GLB1L: variants seen among roughly 807,000 people sequenced by gnomAD.
GLB1L encodes the protein beta-galactosidase-1-like protein.
Under a neutral mutation model 75.7 loss-of-function variants are expected in GLB1L, and 58 were observed. The observed-to-expected ratio is 0.77, with a 90% CI of 0.62 to 0.95. The LOEUF (loss-of-function observed/expected upper bound fraction) is 0.95, where lower values mean the gene tolerates loss of function less well. Ranked by LOEUF, GLB1L falls within the 40% of genes least tolerant of loss-of-function variation. GLB1L has a pLI of 0.00. For missense variants in GLB1L, 797 were observed against 805.5 expected, an observed-to-expected ratio of 0.99 and a Z score of 0.13; for synonymous variants, 296 against 303.0, an observed-to-expected ratio of 0.98 and a Z score of 0.24.
chr2:219,241,723 A>C (rs1321435640), intron 5 of GLB1L, among the ~76,000 whole-genome samples: 2 of 151,920 alleles, frequency 1.3e-5, no homozygotes, highest in Non-Finnish European at 2.9e-5. Flanking sequence ...TTTATGGTTC[A>C]TATTCTGAAT....
rs138087946 is a variant in GLB1L, at chr2:219,242,724, C to T, written c.390+44G>A. Reference sequence around the variant, plus strand: ...TGGGCAGATGGGAGTAGTCTAGGAACTGCACAAGGATAACTGGTTCTATCC... The same window carrying T: ...TGGGCAGATGGGAGTAGTCTAGGAATTGCACAAGGATAACTGGTTCTATCC... On this transcript the variant is annotated intron_variant, in intron 4 of 16. Coordinates refer to ENST00000295759, the MANE Select transcript of GLB1L (RefSeq NM_001286423.2). 3,977 of 1,610,070 alleles carry T rather than the reference C, an allele frequency of 2.5e-3. 7 individuals are homozygous for T. The highest frequency in any genetic ancestry group is 4.3e-3 in the Middle Eastern group (26 of 6,052).
chr2:219,242,641 G>A (rs1450569236), intron 4 of GLB1L, 67 bp from the exon 5 acceptor site: 4 of 1,532,710 alleles, frequency 2.6e-6, no homozygotes, highest in Non-Finnish European at 2.7e-6. Flanking sequence ...GGGGAAGCTA[G>A]GAAGGGAAGG....
chr2:219,236,728 C>T lies in GLB1L; in HGVS notation c.*344G>A. On this transcript the variant is annotated 3_prime_UTR_variant, in exon 17 of 17. Transcript: ENST00000295759. ...TCACCGTGGCCAGCACCAAGGGATC[C>T]TGCCCACTCCATGTCCCAGGTCCAA... is the stretch of plus-strand genomic sequence containing the variant. 1 of 436,706 alleles carries T rather than the reference C, an allele frequency of 2.3e-6. No homozygotes were observed. 27.1% of individuals were successfully genotyped at this position (436,706 alleles called of 1,614,324 possible).
intron 3 of GLB1L, 100 bp downstream of exon 3, chr2:219,243,048 C>T: frequency 6.5e-7 from 1 of 1,542,242 alleles, no homozygotes; most frequent in South Asian, 1.2e-5. Flanking sequence ...CCACCCTTGG[C>T]CTAGGAGTCC....
chr2:219,237,445 G>A (rs746559824), intron 16 of GLB1L, 67 bp downstream of exon 16: 5 of 1,601,220 alleles, frequency 3.1e-6, no homozygotes, highest in Non-Finnish European at 4.3e-6. Context: ...GATACTTTCT[G>A]CTCCCCTCCT....
At chr2:219,243,706 C>T (rs1366037697) in intron 1 of GLB1L, 63 bp from the exon 2 acceptor site, 6 of 791,718 alleles carry the variant, frequency 7.6e-6, no homozygotes, top group Non-Finnish European at 1.1e-5. Flanking sequence ...GACTTCCTCT[C>T]CAGCCTGCAG....
chr2:219,239,557 T>C lies in GLB1L; in HGVS notation c.902+4A>G. 6.2e-7 allele frequency: 1 copy of C among 1,614,206 alleles called. No homozygotes were observed. The highest frequency in any genetic ancestry group is 1.1e-5 in the South Asian group (1 of 91,086). On this transcript the variant is annotated splice_donor_region_variant and intron_variant, in intron 9 of 16. Coordinates refer to ENST00000295759, the MANE Select transcript of GLB1L (RefSeq NM_001286423.2). Reference sequence around the variant, plus strand: ...TTCATATTGCCCCCAGTGTCTTTACTTACATGTTCACACTGGCTCCCAACT... The same window carrying C: ...TTCATATTGCCCCCAGTGTCTTTACCTACATGTTCACACTGGCTCCCAACT...
At chr2:219,238,807 A>G (rs1301879422) in intron 11 of GLB1L, 28 bp from the exon 12 acceptor site, 3 of 1,588,952 alleles carry the variant, frequency 1.9e-6, no homozygotes, top group East Asian at 2.2e-5. Context: ...CAGGATCCAT[A>G]GGAAAACCAC....
rs749059558 is a variant in GLB1L, at chr2:219,239,811, A to G, written c.744T>C (p.Phe248=). 9 of 1,614,212 alleles carry G rather than the reference A, an allele frequency of 5.6e-6. No individual in the cohort carries two copies. The East Asian group carries it at 6.7e-5, about 12-fold the overall frequency. The change falls in exon 8 of 17, where the codon TTT becomes TTC. Residue 248 remains phenylalanine, a synonymous_variant. Coordinates refer to ENST00000295759, the MANE Select transcript of GLB1L (RefSeq NM_001286423.2). ...GGGGTTCATACTTCCGAAGCAGGGT[A>G]AAGATTTTGGTCATGTTGTCAGCTG... ...FGPADNMTKI[F]TLLRKYEPHG...
Position 219,240,232 on chromosome 2 carries a change from G to GAT in GLB1L, c.503_504dup (p.Pro169IlefsTer31). On this transcript the variant is annotated frameshift_variant, in exon 6 of 17. Transcript: ENST00000295759. LOFTEE classifies it high-confidence loss of function. ...TTGCCCCCATTGTGATAAAGCCATG[G>GAT]ATATATCTTGGGCAGCAAGACCTTG... 6.2e-7 allele frequency: 1 copy of GAT among 1,614,186 alleles called. No individual in the cohort carries two copies. Among genetic ancestry groups the GAT allele is most frequent in the Non-Finnish European group, 8.5e-7 (1 of 1,180,028 alleles).
At chr2:219,238,619 G>C in intron 12 of GLB1L, 35 bp from the exon 13 acceptor site, 2 of 1,601,136 alleles carry the variant, frequency 1.2e-6, no homozygotes, top group Non-Finnish European at 1.7e-6. Flanking sequence ...AGAATATCAG[G>C]GAAGTTTCTG....
At chr2:219,243,734 T>C (rs1005329205) in intron 1 of GLB1L, 91 bp from the exon 2 acceptor site, 2 of 641,686 alleles carry the variant, frequency 3.1e-6, no homozygotes, top group Non-Finnish European at 5.6e-6. Context: ...CTTACTCTAC[T>C]AGTTTGTAAA....
At position 219,239,223 on chromosome 2, in the gene GLB1L, CA is replaced by C; in HGVS notation, c.944-14del. On this transcript the variant is annotated splice_polypyrimidine_tract_variant and intron_variant, in intron 10 of 16. Transcript: ENST00000295759. ...TTCTTATCGGCACCTGAAGTTGAGC[CA>C]ATTTAATTAATTCAACATGTATTTC... is the stretch of plus-strand genomic sequence containing the variant. 1 of 1,580,956 alleles carries C rather than the reference CA, an allele frequency of 6.3e-7. No individual in the cohort carries two copies. The highest frequency in any genetic ancestry group is 1.1e-5 in the South Asian group (1 of 89,864).
At position 219,240,286 on chromosome 2, in the gene GLB1L, C is replaced by CTA. The variant is rs1267631057; in HGVS notation, c.452-3_452-2dup. On this transcript the variant is annotated splice_acceptor_variant, in intron 5 of 16. Transcript: ENST00000295759. LOFTEE classifies it high-confidence loss of function. ...CAGGAGTCCACTGCGGCAAGGAAGT[C>CTA]TAAAGGAAGGAGCAGAGCTTCTGTG... The CTA allele has an allele frequency of 1.2e-6, 2 of 1,613,066 alleles. No individual in the cohort carries two copies. The highest frequency in any genetic ancestry group is 2.2e-5 in the South Asian group (2 of 91,068).
At chr2:219,238,164 G>A (rs909706921) in intron 14 of GLB1L, 86 bp downstream of exon 14, 1 of 1,109,498 alleles carries the variant, frequency 9.0e-7, no homozygotes. Flanking sequence ...AGGCAGGTGG[G>A]AAAGTGTAAA....
At position 219,239,758 on chromosome 2, in the gene GLB1L, C is replaced by A. The variant is rs1443958464; in HGVS notation, c.780+17G>T. On this transcript the variant is annotated intron_variant, in intron 8 of 16. Coordinates refer to ENST00000295759, the MANE Select transcript of GLB1L (RefSeq NM_001286423.2). Reference sequence around the variant, plus strand: ...CATTCCTATCCCTGATTCCCTGACTCCTCTCTGGCCCCTCACCAATGGCCC... The same window carrying A: ...CATTCCTATCCCTGATTCCCTGACTACTCTCTGGCCCCTCACCAATGGCCC... 2 of 1,614,210 alleles carry A rather than the reference C, an allele frequency of 1.2e-6. No individual in the cohort carries two copies. Among genetic ancestry groups the A allele is most frequent in the South Asian group, 2.2e-5 (2 of 91,084 alleles).
chr2:219,240,604 C>G (rs1215801895), intron 5 of GLB1L, among the ~76,000 whole-genome samples: 2 of 152,006 alleles, frequency 1.3e-5, no homozygotes, highest in Non-Finnish European at 2.9e-5. Flanking sequence ...ATTAGCTGGG[C>G]ATGGTGGCGG....
chr2:219,238,000 C>T (rs1366626901), intron 14 of GLB1L, 43 bp from the exon 15 acceptor site: 4 of 1,603,046 alleles, frequency 2.5e-6, no homozygotes, highest in Non-Finnish European at 3.4e-6. Context: ...CAGCATCTAG[C>T]TCTTAGCCAC....
intron 9 of GLB1L, 28 bp from the exon 10 acceptor site, chr2:219,239,479 G>T: frequency 6.2e-7 from 1 of 1,611,530 alleles, no homozygotes; most frequent in South Asian, 1.1e-5. Flanking sequence ...GGGGGAACAG[G>T]TAAAAGCTGA....
Sources: gnomAD v4.1 joint callset for allele counts (sites outside exome capture counted in the v4.1 genomes callset) on GRCh38, gnomAD v4.1.1 for gene constraint, MANE v1.5 for transcripts, NCBI Gene and HGNC (gene_info 2026-07-23, HGNC 2026-07-21) for gene names.